The following EXOC4 variants were observed in gnomAD, a reference collection of about 807,000 sequenced individuals.
The protein encoded by EXOC4 is exocyst complex component 4, also known as SEC8-like 1.
EXOC4 carries 71 observed loss-of-function variants against 107.2 expected under a neutral mutation model. That is an observed-to-expected ratio of 0.66 (90% CI 0.55 to 0.81). The LOEUF (loss-of-function observed/expected upper bound fraction) is 0.81, where lower values mean the gene tolerates loss of function less well. Ranked by LOEUF, EXOC4 falls within the 30% of genes least tolerant of loss-of-function variation. The probability of loss-of-function intolerance (pLI) is 0.00; values close to 1 mark genes in which losing one functional copy is unlikely to be tolerated. For synonymous variants in EXOC4, 456 were observed against 441.2 expected (o/e 1.03, Z -0.42); for missense variants, 1,108 against 1,189.6 (o/e 0.93, Z 1.01).
intron 3 of EXOC4, among the ~76,000 whole-genome samples, chr7:133,302,070 T>C (rs988918581): frequency 2.0e-5 from 3 of 152,040 alleles, no homozygotes; most frequent in African/African-American, 7.3e-5. Context: ...TGTAGACTTA[T>C]ATCTCAACTC....
intron 9 of EXOC4, chr7:133,576,932 C>T (rs1437629373): frequency 4.2e-6 from 5 of 1,187,846 alleles, no homozygotes; most frequent in Non-Finnish European, 5.6e-6. Flanking sequence ...CTCTTATTCA[C>T]TGCATGTGTG....
At chr7:133,843,874 G>T (rs536862963) in intron 11 of EXOC4, among the ~76,000 whole-genome samples, 62 of 152,290 alleles carry the variant, frequency 4.1e-4, no homozygotes, top group African/African-American at 1.4e-3. Flanking sequence ...AACCTGAAGA[G>T]ATGTTGAATT....
At chr7:133,323,904 A>T (rs907501269) in intron 5 of EXOC4, among the ~76,000 whole-genome samples, 1 of 152,164 alleles carries the variant, frequency 6.6e-6, no homozygotes, top group African/African-American at 2.4e-5. Context: ...TTATTGGTCT[A>T]TTCAGAGATT....
intron 17 of EXOC4, among the ~76,000 whole-genome samples, chr7:134,048,603 G>A (rs1795710016): frequency 6.6e-6 from 1 of 152,154 alleles, no homozygotes; most frequent in Admixed American, 6.6e-5. Flanking sequence ...TTTGAGTAAA[G>A]GGTGTCCTCT....
intron 9 of EXOC4, among the ~76,000 whole-genome samples, chr7:133,500,648 A>G (rs1584961526): frequency 6.6e-6 from 1 of 152,206 alleles, no homozygotes. Flanking sequence ...AGGAACACAT[A>G]CGAGTGGGAT....
chr7:133,341,686 A>T (rs1403974080), intron 5 of EXOC4, among the ~76,000 whole-genome samples: 1 of 152,134 alleles, frequency 6.6e-6, no homozygotes, highest in Non-Finnish European at 1.5e-5. Flanking sequence ...TAAGTCTAGA[A>T]GTAAATATTT....
chr7:133,666,058 G>A (rs1793805846), intron 10 of EXOC4, among the ~76,000 whole-genome samples: 1 of 152,050 alleles, frequency 6.6e-6, no homozygotes, highest in African/African-American at 2.4e-5. Flanking sequence ...TTTATAGCAT[G>A]GCATAAAGTA....
chr7:133,352,243 C>G (rs1486493319), intron 5 of EXOC4, among the ~76,000 whole-genome samples: 2 of 151,964 alleles, frequency 1.3e-5, no homozygotes, highest in East Asian at 3.9e-4. Flanking sequence ...TCTGGTTGTT[C>G]TATCAATTAT....
At chr7:133,849,426 A>T (rs1198530300) in intron 11 of EXOC4, among the ~76,000 whole-genome samples, 1 of 152,204 alleles carries the variant, frequency 6.6e-6, no homozygotes, top group Non-Finnish European at 1.5e-5. Flanking sequence ...CTCTTAAATT[A>T]AAAAATAAAA....
intron 9 of EXOC4, among the ~76,000 whole-genome samples, chr7:133,584,525 T>A (rs544687098): frequency 6.6e-6 from 1 of 151,544 alleles, no homozygotes; most frequent in East Asian, 1.9e-4. Context: ...TTCTTATTTT[T>A]TCCCACTTGT....
intron 5 of EXOC4, among the ~76,000 whole-genome samples, chr7:133,340,468 GA>G (rs1795635764): frequency 6.6e-6 from 1 of 150,518 alleles, no homozygotes; most frequent in South Asian, 2.1e-4. Context: ...GTTCATTGGG[GA>G]TATTGGTATG....
intron 15 of EXOC4, among the ~76,000 whole-genome samples, chr7:134,004,336 C>T (rs61179403): frequency 0.18 from 27,734 of 152,068 alleles, 2,917 homozygotes; most frequent in African/African-American, 0.29. Flanking sequence ...AGTAGTTACT[C>T]ACAGCACCTT....
At chr7:133,919,034 A>G (rs968510248) in intron 13 of EXOC4, among the ~76,000 whole-genome samples, 12 of 152,168 alleles carry the variant, frequency 7.9e-5, no homozygotes, top group African/African-American at 2.9e-4. Flanking sequence ...TGAACTTTTT[A>G]TTATGAAAAT....
At chr7:133,519,385 T>G (rs999559454) in intron 9 of EXOC4, among the ~76,000 whole-genome samples, 1 of 152,060 alleles carries the variant, frequency 6.6e-6, no homozygotes, top group Non-Finnish European at 1.5e-5. Context: ...ATTATGCCAG[T>G]GCGCTCCAGC....
At chr7:133,479,951 G>A in intron 8 of EXOC4, 99 bp from the exon 9 acceptor site, 2 of 989,824 alleles carry the variant, frequency 2.0e-6, no homozygotes, top group Non-Finnish European at 3.2e-6. Flanking sequence ...ACATCGGGGA[G>A]CACCACACAG....
chr7:133,949,969 G>A lies in EXOC4; in HGVS notation c.2206+11900G>A, dbSNP rs375274575. Among the ~76,000 whole-genome samples the A allele has an allele frequency of 9.2e-5, 14 of 152,210 alleles. No homozygotes were observed. In the East Asian group the frequency reaches 9.7e-4, roughly 11 times the overall value. ...ATTGGGATGTGCAGTAAGGCCTATT[G>A]CATTTTAATTGCAACTGGGGTCTTC... On this transcript the variant is annotated intron_variant, in intron 14 of 17. Coordinates refer to ENST00000253861, the MANE Select transcript of EXOC4 (RefSeq NM_021807.4).
At chr7:133,945,712 C>T (rs1412410552) in intron 14 of EXOC4, among the ~76,000 whole-genome samples, 1 of 152,168 alleles carries the variant, frequency 6.6e-6, no homozygotes, top group African/African-American at 2.4e-5. Context: ...CCCCCAACCG[C>T]ACAGTTGCGC....
intron 7 of EXOC4, among the ~76,000 whole-genome samples, chr7:133,386,250 A>T (rs1038981781): frequency 6.6e-6 from 1 of 152,214 alleles, no homozygotes; most frequent in Admixed American, 6.5e-5. Context: ...GTGGCTTCAG[A>T]TTAGATCAAC....
At chr7:134,013,040 A>G (rs891419267) in intron 17 of EXOC4, among the ~76,000 whole-genome samples, 4 of 152,208 alleles carry the variant, frequency 2.6e-5, no homozygotes, top group African/African-American at 7.2e-5. Flanking sequence ...CAACTTACCT[A>G]AAGTAGGAAT....
Sources: allele counts gnomAD v4.1 joint callset (sites outside exome capture counted in the v4.1 genomes callset), GRCh38; gene constraint gnomAD v4.1.1; transcripts MANE v1.5; gene names NCBI Gene and HGNC (gene_info 2026-07-23, HGNC 2026-07-21).